Variants in LRBA observed in about 807,000 individuals in gnomAD.
LRBA encodes lipopolysaccharide-responsive and beige-like anchor protein.
A neutral mutation model predicts 330.0 loss-of-function variants in LRBA; 176 were observed. The observed-to-expected ratio is 0.53, with a 90% CI of 0.47 to 0.60. The LOEUF (loss-of-function observed/expected upper bound fraction) is 0.60. LRBA is among the 20% of genes least tolerant of loss of function. The probability of loss-of-function intolerance (pLI) is 0.00; values close to 1 mark genes in which losing one functional copy is unlikely to be tolerated. For synonymous variants in LRBA, 1,230 were observed against 1,193.0 expected (o/e 1.03, Z -0.64); for missense variants, 3,259 against 3,444.8 (o/e 0.95, Z 1.35).
chr4:150,579,241 G>A (rs1770909148), intron 40 of LRBA: 2 of 456,534 alleles, frequency 4.4e-6, no homozygotes, highest in South Asian at 3.1e-5. Flanking sequence ...GAGGTGACAG[G>A]GGCTCTTCAA....
chr4:150,452,484 C>T (rs184077713), intron 44 of LRBA, among the ~76,000 whole-genome samples: 18 of 151,874 alleles, frequency 1.2e-4, no homozygotes, highest in Non-Finnish European at 1.9e-4. Flanking sequence ...TAGCCGCGTG[C>T]GGTGGTGTGC....
At chr4:150,775,738 T>C (rs1737210813) in intron 34 of LRBA, among the ~76,000 whole-genome samples, 1 of 149,996 alleles carries the variant, frequency 6.7e-6, no homozygotes, top group South Asian at 2.1e-4. Context: ...AAGATCAATT[T>C]GTGGTGAGTG....
chr4:150,353,691 A>C (rs890747306), intron 47 of LRBA, among the ~76,000 whole-genome samples: 1 of 152,202 alleles, frequency 6.6e-6, no homozygotes, highest in African/African-American at 2.4e-5. Flanking sequence ...CTGCAAACAC[A>C]CATGCAGAGA....
chr4:150,941,158 A>T (rs1561034705), intron 2 of LRBA, among the ~76,000 whole-genome samples: 1 of 151,422 alleles, frequency 6.6e-6, no homozygotes, highest in Non-Finnish European at 1.5e-5. Context: ...ATGACTTAAA[A>T]ATATATATAT....
intron 11 of LRBA, among the ~76,000 whole-genome samples, chr4:150,906,797 A>C (rs1052369544): frequency 2.6e-5 from 4 of 152,154 alleles, no homozygotes; most frequent in African/African-American, 9.7e-5. Context: ...GTTAGGGGCC[A>C]AAAGGTGAGA....
At chr4:150,812,464 T>C (rs750370513) in intron 31 of LRBA, among the ~76,000 whole-genome samples, 9 of 152,300 alleles carry the variant, frequency 5.9e-5, no homozygotes, top group Non-Finnish European at 7.3e-5. Context: ...CAATAAAGAA[T>C]CATTAAAACA....
chr4:150,266,917 A>G (rs529254686), intron 56 of LRBA, among the ~76,000 whole-genome samples: 61 of 152,232 alleles, frequency 4.0e-4, no homozygotes, highest in Non-Finnish European at 6.9e-4. Flanking sequence ...GGCTTACACT[A>G]ATATCAGACA....
At chr4:150,753,243 T>C (rs1733799488) in intron 35 of LRBA, among the ~76,000 whole-genome samples, 2 of 152,214 alleles carry the variant, frequency 1.3e-5, no homozygotes, top group South Asian at 4.1e-4. Context: ...AATTTCTTTA[T>C]TGTCTAACTT....
intron 28 of LRBA, among the ~76,000 whole-genome samples, chr4:150,833,712 C>T (rs997959656): frequency 2.6e-5 from 4 of 152,118 alleles, no homozygotes; most frequent in East Asian, 1.9e-4. Context: ...TCATGGATGT[C>T]GACTGATGGG....
intron 56 of LRBA, among the ~76,000 whole-genome samples, chr4:150,270,836 G>A (rs997046989): frequency 4.6e-5 from 7 of 152,180 alleles, no homozygotes; most frequent in Admixed American, 3.9e-4. Context: ...GATATGCAGA[G>A]ATAAAGGCAT....
chr4:150,444,708 ATCT>A (rs1405499745), intron 44 of LRBA, among the ~76,000 whole-genome samples: 10 of 152,178 alleles, frequency 6.6e-5, no homozygotes, highest in Admixed American at 4.6e-4. Context: ...TTGAAAACAC[ATCT>A]TCTTACAAGT....
chr4:150,704,479 A>G (rs568829398), intron 36 of LRBA, among the ~76,000 whole-genome samples: 1 of 152,138 alleles, frequency 6.6e-6, no homozygotes, highest in East Asian at 1.9e-4. Context: ...ACTGATCTAA[A>G]TCAAATTTTT....
intron 44 of LRBA, among the ~76,000 whole-genome samples, chr4:150,452,087 A>T (rs1470280744): frequency 6.6e-6 from 1 of 152,190 alleles, no homozygotes; most frequent in Non-Finnish European, 1.5e-5. Context: ...TCACGTAAGC[A>T]TTACCGTGAT....
At chr4:150,486,302 A>C (rs1757862208) in intron 42 of LRBA, among the ~76,000 whole-genome samples, 2 of 152,032 alleles carry the variant, frequency 1.3e-5, no homozygotes, top group South Asian at 4.1e-4. Flanking sequence ...GTAGCACATA[A>C]ATGAGTATTG....
At chr4:150,741,097 C>A (rs1159622781) in intron 35 of LRBA, among the ~76,000 whole-genome samples, 5 of 151,986 alleles carry the variant, frequency 3.3e-5, no homozygotes, top group Admixed American at 3.3e-4. Context: ...ATCTTCCTGA[C>A]TGGGTCGATG....
intron 37 of LRBA, among the ~76,000 whole-genome samples, chr4:150,659,161 T>C (rs1285376877): frequency 2.6e-4 from 34 of 129,456 alleles, no homozygotes; most frequent in Non-Finnish European, 5.2e-4. Flanking sequence ...GGGAGGAGTG[T>C]CTCTGCCTGG....
In LRBA at chr4:150,964,025, C is replaced by T. The variant is rs905495449; in HGVS notation, c.217-34960G>A. ...CTGGGAGGTGAGGAGCGTCTCTGACCGGCCGCCCCATCTGAGAAGTGATGA... is the reference window on the plus strand; with the variant it reads ...CTGGGAGGTGAGGAGCGTCTCTGACTGGCCGCCCCATCTGAGAAGTGATGA... On this transcript the variant is annotated intron_variant, in intron 2 of 56. Coordinates refer to ENST00000651943, the MANE Select transcript of LRBA (RefSeq NM_001364905.1). Among the ~76,000 whole-genome samples, 17 of 146,312 alleles carry T rather than the reference C, an allele frequency of 1.2e-4. 2 individuals carry two copies. Among genetic ancestry groups the T allele is most frequent in the African/African-American group, 4.6e-4 (17 of 36,832 alleles).
chr4:150,729,048 G>C (rs1240400532), intron 36 of LRBA, among the ~76,000 whole-genome samples: 1 of 152,190 alleles, frequency 6.6e-6, no homozygotes. Flanking sequence ...GGCCAGACAT[G>C]ATGGCTCATG....
At chr4:150,873,361 C>T (rs1036070680) in intron 17 of LRBA, among the ~76,000 whole-genome samples, 2 of 152,030 alleles carry the variant, frequency 1.3e-5, no homozygotes, top group African/African-American at 4.8e-5. Flanking sequence ...GAGGCCAAGG[C>T]AGGCAGATCA....
Sources: gnomAD v4.1 joint callset for allele counts (sites outside exome capture counted in the v4.1 genomes callset) on GRCh38, gnomAD v4.1.1 for gene constraint, MANE v1.5 for transcripts, NCBI Gene and HGNC (gene_info 2026-07-23, HGNC 2026-07-21) for gene names.